Variants in KSR1 observed in about 807,000 individuals in gnomAD.
The protein encoded by KSR1 is kinase suppressor of ras.
KSR1 carries 35 observed loss-of-function variants against 92.9 expected under a neutral mutation model. The ratio of observed to expected loss-of-function variants is 0.38; its 90% CI spans 0.29 to 0.50. The LOEUF is 0.50. Among genes scored for constraint, KSR1 ranks in the 20% least tolerant of loss-of-function variants. The pLI, the probability that KSR1 is intolerant of heterozygous loss-of-function variation, is 0.94. For synonymous variants in KSR1, 467 were observed against 472.6 expected, an observed-to-expected ratio of 0.99 and a Z score of 0.15; for missense variants, 972 against 1,158.5, an observed-to-expected ratio of 0.84 and a Z score of 2.34.
At chr17:27,580,140 AAC>A (rs1295116400) in intron 3 of KSR1, among the ~76,000 whole-genome samples, 1 of 152,130 alleles carries the variant, frequency 6.6e-6, no homozygotes, top group Non-Finnish European at 1.5e-5. Flanking sequence ...GGCAACTTGC[AAC>A]TTTGGGGCTT....
chr17:27,589,959 A>G (rs2073105543), intron 6 of KSR1, among the ~76,000 whole-genome samples: 1 of 152,130 alleles, frequency 6.6e-6, no homozygotes, highest in Non-Finnish European at 1.5e-5. Flanking sequence ...TTTATTTTTT[A>G]CTCAAATACT....
At chr17:27,496,206 C>T (rs1223543232) in intron 1 of KSR1, among the ~76,000 whole-genome samples, 2 of 152,084 alleles carry the variant, frequency 1.3e-5, no homozygotes, top group Non-Finnish European at 2.9e-5. Context: ...CCCCGGGTGG[C>T]GTTTTTGTGT....
At chr17:27,460,593 G>T (rs774614157) in intron 1 of KSR1, among the ~76,000 whole-genome samples, 1 of 152,170 alleles carries the variant, frequency 6.6e-6, no homozygotes, top group Non-Finnish European at 1.5e-5. Context: ...CCCTTGGGCT[G>T]CTTTCCTGAG....
intron 11 of KSR1, chr17:27,602,033 C>A: frequency 1.0e-6 from 1 of 992,672 alleles, no homozygotes; most frequent in Non-Finnish European, 1.5e-6. Context: ...TTCATTCCTG[C>A]CCCTAAAGTG....
At chr17:27,545,556 G>T (rs2071139576) in intron 1 of KSR1, among the ~76,000 whole-genome samples, 1 of 152,194 alleles carries the variant, frequency 6.6e-6, no homozygotes. Context: ...CCATGTGCTG[G>T]GTGCTGTGCT....
At chr17:27,493,392 G>A (rs946618230) in intron 1 of KSR1, among the ~76,000 whole-genome samples, 1 of 152,200 alleles carries the variant, frequency 6.6e-6, no homozygotes, top group Non-Finnish European at 1.5e-5. Context: ...ACCGGGGTCA[G>A]GCAGGAAATC....
At chr17:27,521,738 A>G (rs1382853077) in intron 1 of KSR1, among the ~76,000 whole-genome samples, 1 of 152,138 alleles carries the variant, frequency 6.6e-6, no homozygotes, top group Non-Finnish European at 1.5e-5. Flanking sequence ...CTGGCCTGCA[A>G]AGGCTACTCT....
chr17:27,584,291 T>A (rs530284244), intron 4 of KSR1, among the ~76,000 whole-genome samples: 33 of 151,968 alleles, frequency 2.2e-4, no homozygotes, highest in African/African-American at 7.7e-4. Flanking sequence ...GGCCTTGGAG[T>A]CATCTTTGGA....
chr17:27,553,663 T>C (rs1475226016), intron 2 of KSR1, among the ~76,000 whole-genome samples: 1 of 152,210 alleles, frequency 6.6e-6, no homozygotes, highest in African/African-American at 2.4e-5. Flanking sequence ...CATTCCATCT[T>C]CCCCAGACTC....
chr17:27,554,598 A>T (rs563320627), intron 2 of KSR1, among the ~76,000 whole-genome samples: 118 of 152,296 alleles, frequency 7.7e-4, no homozygotes, highest in African/African-American at 2.7e-3. Flanking sequence ...TCACCCCCAG[A>T]TTGGACTGTC....
intron 1 of KSR1, among the ~76,000 whole-genome samples, chr17:27,543,834 T>G (rs935171315): frequency 6.6e-6 from 1 of 152,232 alleles, no homozygotes; most frequent in African/African-American, 2.4e-5. Context: ...GGTACAGGTC[T>G]TGGCCGTCTC....
chr17:27,572,852 C>T (rs1005728979), intron 2 of KSR1, among the ~76,000 whole-genome samples: 1 of 152,196 alleles, frequency 6.6e-6, no homozygotes, highest in African/African-American at 2.4e-5. Flanking sequence ...AGTCATGATA[C>T]TGGGAGATAT....
chr17:27,623,944 A>G lies in KSR1; in HGVS notation c.*552A>G. 3.7e-6 allele frequency: 1 copy of G among 270,210 alleles called. No individual in the cohort carries two copies. The highest frequency in any genetic ancestry group is 6.8e-6 in the Non-Finnish European group (1 of 146,346). The allele number at this position is 270,210 out of a possible 1,614,324, so 16.7% of individuals were successfully genotyped here. On this transcript the variant is annotated 3_prime_UTR_variant, in exon 21 of 21. Transcript: ENST00000644974. ...ATACTGCCCCTTCCTCGTCTTGCAG[A>G]GGAAACCCTGGCTAGGAACTGAGCT... is the stretch of plus-strand genomic sequence containing the variant.
chr17:27,540,492 C>G (rs1373899257), intron 1 of KSR1, among the ~76,000 whole-genome samples: 1 of 152,230 alleles, frequency 6.6e-6, no homozygotes, highest in African/African-American at 2.4e-5. Flanking sequence ...AGTTTGACGT[C>G]AAGGCAGGAT....
chr17:27,617,474 G>A (rs1232683790), intron 19 of KSR1, 46 bp downstream of exon 19: 1 of 1,582,236 alleles, frequency 6.3e-7, no homozygotes, highest in Admixed American at 1.7e-5. Context: ...GGCCCTCGCA[G>A]CCTCACCTGG....
At chr17:27,616,361 T>C (rs1223008960) in intron 18 of KSR1, among the ~76,000 whole-genome samples, 1 of 152,204 alleles carries the variant, frequency 6.6e-6, no homozygotes, top group Non-Finnish European at 1.5e-5. Flanking sequence ...TTTCCTTGAT[T>C]TTTATCTTCC....
At chr17:27,553,446 C>A (rs988369733) in intron 2 of KSR1, among the ~76,000 whole-genome samples, 7 of 152,198 alleles carry the variant, frequency 4.6e-5, no homozygotes, top group African/African-American at 1.7e-4. Flanking sequence ...GGCGGCACAC[C>A]AGCCTGACAG....
At chr17:27,463,622 A>G (rs1200978027) in intron 1 of KSR1, among the ~76,000 whole-genome samples, 1 of 152,158 alleles carries the variant, frequency 6.6e-6, no homozygotes, top group Non-Finnish European at 1.5e-5. Context: ...GGTTACCTGC[A>G]GCAAAGGGGG....
At chr17:27,570,585 C>A (rs1598050305) in intron 2 of KSR1, among the ~76,000 whole-genome samples, 1 of 152,344 alleles carries the variant, frequency 6.6e-6, no homozygotes, top group African/African-American at 2.4e-5. Context: ...CCTGAAGGTT[C>A]CAGTTCAAGC....
Sources: gnomAD v4.1 joint callset for allele counts (sites outside exome capture counted in the v4.1 genomes callset) on GRCh38, gnomAD v4.1.1 for gene constraint, MANE v1.5 for transcripts, NCBI Gene and HGNC (gene_info 2026-07-23, HGNC 2026-07-21) for gene names.